WLS: variants seen among roughly 807,000 people sequenced by gnomAD.
WLS encodes protein wntless homolog.
In WLS, 23 loss-of-function variants were observed where a neutral mutation model predicts 62.8. The ratio of observed to expected loss-of-function variants is 0.37; its 90% CI spans 0.26 to 0.52. The LOEUF (loss-of-function observed/expected upper bound fraction) is 0.52, where lower values mean the gene tolerates loss of function less well. Among genes scored for constraint, WLS ranks in the 20% least tolerant of loss-of-function variants. WLS has a pLI of 0.92. For missense variants in WLS, 615 were observed against 697.3 expected (o/e 0.88, Z 1.33); for synonymous variants, 246 against 244.1 (o/e 1.01, Z -0.07).
chr1:68,161,687 A>C, intron 2 of WLS: 3 of 1,132,230 alleles, frequency 2.6e-6, no homozygotes, highest in Non-Finnish European at 3.9e-6. Flanking sequence ...TTTTTCTCTT[A>C]GTTCATCATT....
At chr1:68,101,306 CTATTATTAT>C (rs372414383) in intron 11 of WLS, among the ~76,000 whole-genome samples, 1 of 151,570 alleles carries the variant, frequency 6.6e-6, no homozygotes, top group Non-Finnish European at 1.5e-5. Flanking sequence ...ATCATATTTG[CTATTATTAT>C]TATTATTATT....
intron 11 of WLS, among the ~76,000 whole-genome samples, chr1:68,131,993 T>C (rs990477093): frequency 1.3e-5 from 2 of 152,208 alleles, no homozygotes; most frequent in African/African-American, 2.4e-5. Flanking sequence ...CAAGCTTCTG[T>C]TGTTTAGGAC....
chr1:68,220,677 G>A (rs1394142460), intron 1 of WLS, among the ~76,000 whole-genome samples: 1 of 152,116 alleles, frequency 6.6e-6, no homozygotes, highest in Non-Finnish European at 1.5e-5. Context: ...CTATCAAATG[G>A]AAAACCTCGA....
In WLS at chr1:68,194,148, C is replaced by A; in HGVS notation, c.186G>T (p.Trp62Cys). 6.2e-7 allele frequency: 1 copy of A among 1,614,216 alleles called. No homozygotes were observed. Among genetic ancestry groups the A allele is most frequent in the Non-Finnish European group, 8.5e-7 (1 of 1,180,040 alleles). Residue 62 changes from tryptophan (W) to cysteine (C), a missense_variant, in exon 2 of 12, where the codon TGG becomes TGT. Physicochemically the swap from Trp to Cys is radical, Grantham distance 215 (BLOSUM62 -2). Transcript: ENST00000262348. ...AATGATTGGGTCCCCAAGGCACGAA[C>A]CATTTTGTCTTGTGATGGTTCTTAC... is the stretch of plus-strand genomic sequence containing the variant. ...DARKNHHKTK[W>C]FVPWGPNHCD...
rs371585500 is a variant in WLS at position 68,217,838 on chromosome 1, GC to G, written c.106+14355del. 1.2e-3 allele frequency among the ~76,000 whole-genome samples: 189 copies of G among 152,128 alleles called. 1 individual carries two copies. Among genetic ancestry groups the G allele is most frequent in the African/African-American group, 4.3e-3 (177 of 41,518 alleles). On this transcript the variant is annotated intron_variant, in intron 1 of 11. Coordinates refer to ENST00000262348, the MANE Select transcript of WLS (RefSeq NM_024911.7). ...GTGAGAGGGGTCTGGTTCCCCCACC[GC>G]CCCCTGCTTCATTAGGCATGGCAAG...
At chr1:68,211,262 AG>A (rs1649503168) in intron 1 of WLS, among the ~76,000 whole-genome samples, 1 of 152,100 alleles carries the variant, frequency 6.6e-6, no homozygotes, top group Admixed American at 6.6e-5. Context: ...TGTCCAGGAA[AG>A]TAAAACTGTT....
At chr1:68,123,402 T>C (rs545948771), downstream of WLS, among the ~76,000 whole-genome samples, 1 of 152,146 alleles carries the variant, frequency 6.6e-6, no homozygotes, top group East Asian at 1.9e-4. Flanking sequence ...CCCTTTCCTA[T>C]AGAATATGGC....
intron 1 of WLS, among the ~76,000 whole-genome samples, chr1:68,217,143 C>G (rs1649763484): frequency 6.6e-6 from 1 of 152,176 alleles, no homozygotes; most frequent in African/African-American, 2.4e-5. Context: ...TCTGTACCTT[C>G]TTGGTTCAAG....
At chr1:68,216,007 A>G (rs1350750566) in intron 1 of WLS, among the ~76,000 whole-genome samples, 1 of 152,218 alleles carries the variant, frequency 6.6e-6, no homozygotes. Flanking sequence ...ATATGTAAAG[A>G]GAGAATCAAC....
At chr1:68,109,714 G>C (rs750787350) in intron 11 of WLS, among the ~76,000 whole-genome samples, 5 of 151,584 alleles carry the variant, frequency 3.3e-5, no homozygotes, top group Non-Finnish European at 5.9e-5. Context: ...TAAGAAAGAA[G>C]GATCAATAAT....
intron 2 of WLS, chr1:68,162,469 A>C: frequency 6.2e-7 from 1 of 1,613,932 alleles, no homozygotes; most frequent in South Asian, 1.1e-5. Flanking sequence ...GGGGTCATAA[A>C]ATATGACGCT....
intron 2 of WLS, among the ~76,000 whole-genome samples, chr1:68,174,518 T>C (rs1647202614): frequency 6.6e-6 from 1 of 152,222 alleles, no homozygotes; most frequent in East Asian, 1.9e-4. Flanking sequence ...GGATGAAGCA[T>C]ATGTGTGTGT....
At chr1:68,112,939 A>T (rs1015668739) in intron 11 of WLS, among the ~76,000 whole-genome samples, 1 of 152,248 alleles carries the variant, frequency 6.6e-6, no homozygotes, top group South Asian at 2.1e-4. Context: ...CTAGGTTGGC[A>T]GTGAGAGCGT....
chr1:68,135,128 TTTCTTTTC>T (rs1646587514), intron 11 of WLS, among the ~76,000 whole-genome samples: 1 of 7,044 alleles, frequency 1.4e-4, no homozygotes, highest in Non-Finnish European at 1.4e-3. Context: ...AACCATGGAC[TTTCTTTTC>T]TTTTCTTTTC....
intron 1 of WLS, among the ~76,000 whole-genome samples, chr1:68,231,131 G>C (rs2100679344): frequency 1.3e-5 from 2 of 152,366 alleles, no homozygotes; most frequent in South Asian, 4.1e-4. Flanking sequence ...ATCTTGAGGG[G>C]GCGGGGGGCG....
At chr1:68,208,852 C>A (rs902893162) in intron 1 of WLS, among the ~76,000 whole-genome samples, 1 of 152,148 alleles carries the variant, frequency 6.6e-6, no homozygotes, top group African/African-American at 2.4e-5. Flanking sequence ...GTCTAGAATG[C>A]ATAAGGTTAG....
chr1:68,229,970 C>A (rs879771186), intron 1 of WLS, among the ~76,000 whole-genome samples: 4 of 152,206 alleles, frequency 2.6e-5, no homozygotes, highest in African/African-American at 7.2e-5. Context: ...TCGTCATTAA[C>A]CAAATTCTTC....
chr1:68,150,155 G>T, intron 6 of WLS, 33 bp downstream of exon 6: 4 of 1,608,380 alleles, frequency 2.5e-6, no homozygotes, highest in Non-Finnish European at 3.4e-6. Context: ...AGAGCAGCTG[G>T]TACAGACGTC....
chr1:68,112,389 C>T (rs1269396748), intron 11 of WLS, among the ~76,000 whole-genome samples: 1 of 152,168 alleles, frequency 6.6e-6, no homozygotes, highest in African/African-American at 2.4e-5. Context: ...ATGTGTGGGT[C>T]CCACCTACTT....
Sources: allele counts gnomAD v4.1 joint callset (sites outside exome capture counted in the v4.1 genomes callset), GRCh38; gene constraint gnomAD v4.1.1; transcripts MANE v1.5; gene names NCBI Gene and HGNC (gene_info 2026-07-23, HGNC 2026-07-21).